KHDRBS2: variants seen among roughly 807,000 people sequenced by gnomAD.
KHDRBS2 encodes KH RNA binding domain containing, signal transduction associated 2, also known as KH domain-containing, RNA-binding, signal transduction-associated protein 2.
Under a neutral mutation model 44.3 loss-of-function variants are expected in KHDRBS2, and 26 were observed. The ratio of observed to expected loss-of-function variants is 0.59; its 90% CI spans 0.43 to 0.81. The LOEUF (loss-of-function observed/expected upper bound fraction) is 0.81, where lower values mean the gene tolerates loss of function less well. Among genes scored for constraint, KHDRBS2 ranks in the 40% least tolerant of loss-of-function variants. The pLI is 0.00. For synonymous variants in KHDRBS2, 194 were observed against 151.1 expected (o/e 1.28, Z -2.08); for missense variants, 476 against 433.1 (o/e 1.10, Z -0.88).
At chr6:61,822,811 C>T (rs1790154908) in intron 6 of KHDRBS2, among the ~76,000 whole-genome samples, 1 of 152,002 alleles carries the variant, frequency 6.6e-6, no homozygotes, top group Non-Finnish European at 1.5e-5. Context: ...ATAACCTCAA[C>T]TAAATACTCT....
At chr6:61,669,126 G>C in the KHDRBS2 span, among the ~76,000 whole-genome samples, 1 of 150,920 alleles carries the variant, frequency 6.6e-6, no homozygotes, top group African/African-American at 2.4e-5. Context: ...TAATATACAT[G>C]ATGATTAGGG....
At chr6:61,647,454 A>G in the KHDRBS2 span, among the ~76,000 whole-genome samples, 1 of 152,314 alleles carries the variant, frequency 6.6e-6, no homozygotes, top group Non-Finnish European at 1.5e-5. Flanking sequence ...AGATAATTAT[A>G]TAACATGATA....
intron 2 of KHDRBS2, among the ~76,000 whole-genome samples, chr6:62,163,297 C>T (rs535187794): frequency 6.6e-6 from 1 of 151,982 alleles, no homozygotes; most frequent in South Asian, 2.1e-4. Flanking sequence ...AAAACCAGCA[C>T]CAGTGGAAAC....
At chr6:61,782,966 A>T (rs572956966) in intron 6 of KHDRBS2, among the ~76,000 whole-genome samples, 1 of 151,862 alleles carries the variant, frequency 6.6e-6, no homozygotes, top group Admixed American at 6.6e-5. Context: ...TTTATACTGC[A>T]TTACATTGGC....
chr6:61,952,923 G>T (rs1199608503), intron 4 of KHDRBS2, among the ~76,000 whole-genome samples: 1 of 151,666 alleles, frequency 6.6e-6, no homozygotes, highest in African/African-American at 2.4e-5. Flanking sequence ...TTCTGTCTTG[G>T]GGAGCTCTGT....
At chr6:61,621,258 A>C in the KHDRBS2 span, among the ~76,000 whole-genome samples, 2 of 152,216 alleles carry the variant, frequency 1.3e-5, no homozygotes, top group Non-Finnish European at 2.9e-5. Context: ...TGCCAGTACA[A>C]TAATCCAGTC....
At chr6:61,601,448 C>G in the KHDRBS2 span, among the ~76,000 whole-genome samples, 2 of 152,096 alleles carry the variant, frequency 1.3e-5, no homozygotes, top group Non-Finnish European at 2.9e-5. Context: ...CCACTTGACC[C>G]CAATACAGAC....
chr6:62,104,474 T>G, intron 2 of KHDRBS2, among the ~76,000 whole-genome samples: 1 of 152,136 alleles, frequency 6.6e-6, no homozygotes, highest in Admixed American at 6.6e-5. Flanking sequence ...TGGAATAAAA[T>G]TGGGTATCAG....
At chr6:61,544,194 C>T in the KHDRBS2 span, among the ~76,000 whole-genome samples, 1 of 151,708 alleles carries the variant, frequency 6.6e-6, no homozygotes, top group South Asian at 2.1e-4. Flanking sequence ...CATTGTATGC[C>T]TGTATCAAAA....
At chr6:62,151,184 C>A (rs1051095167) in intron 2 of KHDRBS2, among the ~76,000 whole-genome samples, 6 of 152,148 alleles carry the variant, frequency 3.9e-5, no homozygotes, top group Non-Finnish European at 8.8e-5. Context: ...ATGAATTTCC[C>A]TTAGCTTCAG....
intron 2 of KHDRBS2, among the ~76,000 whole-genome samples, chr6:62,141,990 A>C (rs1043108832): frequency 6.6e-6 from 1 of 152,016 alleles, no homozygotes; most frequent in Non-Finnish European, 1.5e-5. Context: ...CCTTACAAAA[A>C]CTCACCAAAA....
chr6:61,608,675 G>A, the KHDRBS2 span, among the ~76,000 whole-genome samples: 1 of 151,372 alleles, frequency 6.6e-6, no homozygotes, highest in African/African-American at 2.4e-5. Flanking sequence ...ACTTATGAGT[G>A]AGAACATGCA....
At chr6:61,900,366 T>C (rs1027755844) in intron 5 of KHDRBS2, among the ~76,000 whole-genome samples, 1 of 152,156 alleles carries the variant, frequency 6.6e-6, no homozygotes, top group East Asian at 1.9e-4. Flanking sequence ...TTTTATGTAA[T>C]ATATGAAATA....
chr6:61,830,811 G>A (rs537689464), intron 6 of KHDRBS2, among the ~76,000 whole-genome samples: 119 of 152,242 alleles, frequency 7.8e-4, no homozygotes, highest in African/African-American at 2.7e-3. Context: ...TGTAAAGCTT[G>A]CTATTAGTCA....
chr6:61,676,246 T>C (rs1347918116), downstream of KHDRBS2, among the ~76,000 whole-genome samples: 2 of 151,896 alleles, frequency 1.3e-5, no homozygotes, highest in African/African-American at 2.4e-5. Context: ...TATTCATTTA[T>C]GATTATTTTA....
chr6:62,064,766 C>G (rs1341136738), intron 2 of KHDRBS2, among the ~76,000 whole-genome samples: 4 of 151,906 alleles, frequency 2.6e-5, no homozygotes, highest in South Asian at 2.1e-4. Flanking sequence ...GCAACAAAAG[C>G]CAAAATTGAC....
At chr6:61,696,310 C>A (rs571505710) in intron 8 of KHDRBS2, among the ~76,000 whole-genome samples, 1 of 151,132 alleles carries the variant, frequency 6.6e-6, no homozygotes, top group Admixed American at 6.6e-5. Context: ...GGCTGGAGTG[C>A]GGTGGCACGA....
At chr6:61,925,152 T>A (rs557619014) in intron 4 of KHDRBS2, among the ~76,000 whole-genome samples, 2 of 152,284 alleles carry the variant, frequency 1.3e-5, no homozygotes, top group South Asian at 4.1e-4. Context: ...ATCACTAAGA[T>A]TTCCAACAAA....
chr6:62,111,100 C>T (rs1584771461), intron 2 of KHDRBS2, among the ~76,000 whole-genome samples: 2 of 152,126 alleles, frequency 1.3e-5, no homozygotes, highest in Admixed American at 6.6e-5. Flanking sequence ...AGATCAATTG[C>T]TGCAATTTAA....
Sources: gnomAD v4.1 joint callset for allele counts (sites outside exome capture counted in the v4.1 genomes callset) on GRCh38, gnomAD v4.1.1 for gene constraint, MANE v1.5 for transcripts, NCBI Gene and HGNC (gene_info 2026-07-23, HGNC 2026-07-21) for gene names.